The following RAB22A variants were observed in gnomAD, a reference collection of about 807,000 sequenced individuals.
RAB22A encodes RAB22A, member RAS oncogene family.
Under a neutral mutation model 30.2 loss-of-function variants are expected in RAB22A, and 13 were observed. The ratio of observed to expected loss-of-function variants is 0.43; its 90% CI spans 0.28 to 0.68. RAB22A has a LOEUF of 0.68. RAB22A is among the 30% of genes least tolerant of loss of function. The pLI is 0.18. For synonymous variants in RAB22A, 89 were observed against 87.2 expected, an observed-to-expected ratio of 1.02 and a Z score of -0.11; for missense variants, 177 against 246.8, an observed-to-expected ratio of 0.72 and a Z score of 1.89.
intron 6 of RAB22A, 78 bp from the exon 7 acceptor site, chr20:58,359,528 T>G: frequency 1.2e-6 from 1 of 823,466 alleles, no homozygotes; most frequent in Non-Finnish European, 1.8e-6. Context: ...CAGTGAAACC[T>G]GTCAAATTGC....
intron 6 of RAB22A, among the ~76,000 whole-genome samples, chr20:58,358,418 C>T (rs1036999004): frequency 3.9e-5 from 6 of 152,250 alleles, no homozygotes; most frequent in Admixed American, 1.3e-4. Context: ...AGTAGAATAC[C>T]GTGACCTAGC....
rs564800741 is a variant in RAB22A at position 58,345,091 on chromosome 20, T to C, written c.198+1292T>C. On this transcript the variant is annotated intron_variant, in intron 3 of 6. Transcript: ENST00000244040. Reference sequence around the variant, plus strand: ...GTAGACACAGCCCTGGGTTCTGTCCTGTTAGCCACGAATCCGTGTGGCCCT... The same window carrying C: ...GTAGACACAGCCCTGGGTTCTGTCCCGTTAGCCACGAATCCGTGTGGCCCT... Among the ~76,000 whole-genome samples the C allele has an allele frequency of 8.5e-5, 13 of 152,286 alleles. No individual in the cohort carries two copies. In the South Asian group the frequency reaches 2.7e-3, roughly 32 times the overall value.
At chr20:58,313,045 G>GT (rs1436967167) in intron 2 of RAB22A, among the ~76,000 whole-genome samples, 4 of 152,132 alleles carry the variant, frequency 2.6e-5, no homozygotes, top group African/African-American at 7.2e-5. Context: ...CTGAGTCAGA[G>GT]CTGAAAACCT....
chr20:58,330,143 T>C (rs1986638194), intron 2 of RAB22A, among the ~76,000 whole-genome samples: 1 of 152,232 alleles, frequency 6.6e-6, no homozygotes. Context: ...TATATCATTT[T>C]ATACAACAGT....
chr20:58,324,252 G>T (rs1986514570), intron 2 of RAB22A, among the ~76,000 whole-genome samples: 1 of 151,766 alleles, frequency 6.6e-6, no homozygotes, highest in African/African-American at 2.4e-5. Flanking sequence ...CAGTTGTAAG[G>T]TTGTTGATAC....
chr20:58,312,472 CTTTTTTTTTTTTTTTTTTT>C (rs58198236), intron 2 of RAB22A, among the ~76,000 whole-genome samples: 26 of 38,708 alleles, frequency 6.7e-4, no homozygotes, highest in South Asian at 2.9e-3. Context: ...GGCTGGTTTT[CTTTTTTTTTTTTTTTTTTT>C]TTTTTTTTTT....
At position 58,362,521 on chromosome 20, in the gene RAB22A, T is replaced by A. The variant is rs1377946939; in HGVS notation, c.*2818T>A. The A allele has an allele frequency of 6.6e-6, 1 of 152,266 alleles. No homozygotes were observed. The highest frequency in any genetic ancestry group is 2.4e-5 in the African/African-American group (1 of 41,476). 9.4% of individuals were successfully genotyped at this position (152,266 alleles called of 1,614,324 possible). A position where few individuals can be genotyped will look rare whatever the true frequency, so the allele number is the denominator to read the frequency against. ...AAGAGAAAAATTATTAATTAGCTGC[T>A]ACTGTATGTTGATTCTTTTCGGAGA... On this transcript the variant is annotated 3_prime_UTR_variant, in exon 7 of 7. Coordinates refer to ENST00000244040, the MANE Select transcript of RAB22A (RefSeq NM_020673.3).
chr20:58,320,607 A>G (rs958369724), intron 2 of RAB22A, among the ~76,000 whole-genome samples: 1 of 152,176 alleles, frequency 6.6e-6, no homozygotes, highest in Non-Finnish European at 1.5e-5. Context: ...GGTGAATTTC[A>G]TGGATTTTGA....
At chr20:58,330,587 CAG>C (rs1986646071) in intron 2 of RAB22A, among the ~76,000 whole-genome samples, 1 of 152,126 alleles carries the variant, frequency 6.6e-6, no homozygotes, top group Admixed American at 6.5e-5. Flanking sequence ...TTTGTTTTAA[CAG>C]AATGTTAAAT....
Position 58,343,807 on chromosome 20 carries a change from A to G in RAB22A, c.198+8A>G, listed in dbSNP as rs1209671384. 6.3e-7 allele frequency: 1 copy of G among 1,588,268 alleles called. No homozygotes were observed. The highest frequency in any genetic ancestry group is 8.6e-7 in the Non-Finnish European group (1 of 1,156,778). On this transcript the variant is annotated splice_region_variant and intron_variant, in intron 3 of 6. Transcript: ENST00000244040. ...ACAGCTGGACAAGAACGAGTAAGTCACTCTTTAATTTACTCTGTTTTTCTG... is the reference window on the plus strand; with the variant it reads ...ACAGCTGGACAAGAACGAGTAAGTCGCTCTTTAATTTACTCTGTTTTTCTG...
At chr20:58,325,532 T>A (rs1302157788) in intron 2 of RAB22A, among the ~76,000 whole-genome samples, 4 of 152,234 alleles carry the variant, frequency 2.6e-5, no homozygotes, top group African/African-American at 7.2e-5. Flanking sequence ...AAGTTTTTTT[T>A]ATAGATCATT....
At chr20:58,340,061 T>C (rs938892348) in intron 2 of RAB22A, among the ~76,000 whole-genome samples, 1 of 152,074 alleles carries the variant, frequency 6.6e-6, no homozygotes, top group Non-Finnish European at 1.5e-5. Flanking sequence ...GATTTTAACC[T>C]CTCAGAAATC....
chr20:58,352,097 T>G (rs144869040), intron 3 of RAB22A, among the ~76,000 whole-genome samples: 129 of 152,322 alleles, frequency 8.5e-4, no homozygotes, highest in African/African-American at 3.1e-3. Context: ...AGGAACTTTG[T>G]GTTGATAGAA....
At chr20:58,339,004 T>C (rs1568869887) in intron 2 of RAB22A, among the ~76,000 whole-genome samples, 1 of 152,160 alleles carries the variant, frequency 6.6e-6, no homozygotes, top group South Asian at 2.1e-4. Flanking sequence ...GGGTTTGCAG[T>C]AAAGAGAGGT....
intron 2 of RAB22A, among the ~76,000 whole-genome samples, chr20:58,315,089 CCGG>C (rs1367564316): frequency 6.6e-6 from 1 of 152,052 alleles, no homozygotes; most frequent in Non-Finnish European, 1.5e-5. Context: ...GCCCTGGAGT[CCGG>C]AGGAGGAGCC....
intron 2 of RAB22A, among the ~76,000 whole-genome samples, chr20:58,332,128 C>A (rs1986672570): frequency 6.6e-6 from 1 of 152,204 alleles, no homozygotes; most frequent in African/African-American, 2.4e-5. Context: ...TAAAAAGTCA[C>A]AAGAGACCAT....
rs1987220258 is a variant in RAB22A, at chr20:58,361,246, T to C, written c.*1543T>C. On this transcript the variant is annotated 3_prime_UTR_variant, in exon 7 of 7. Coordinates refer to ENST00000244040, the MANE Select transcript of RAB22A (RefSeq NM_020673.3). Reference sequence around the variant, plus strand: ...ACAGCTTGAATTTCAAACTAAATTGTATTTTCAGAGCTATCCTGAAACTGA... The same window carrying C: ...ACAGCTTGAATTTCAAACTAAATTGCATTTTCAGAGCTATCCTGAAACTGA... 2 of 152,694 alleles carry C rather than the reference T, an allele frequency of 1.3e-5. No individual in the cohort carries two copies. The highest frequency in any genetic ancestry group is 4.1e-4 in the South Asian group (2 of 4,838). 9.5% of individuals were successfully genotyped at this position (152,694 alleles called of 1,614,324 possible). A position where few individuals can be genotyped will look rare whatever the true frequency, so the allele number is the denominator to read the frequency against.
chr20:58,334,784 T>C (rs1287870880), intron 2 of RAB22A, among the ~76,000 whole-genome samples: 1 of 151,962 alleles, frequency 6.6e-6, no homozygotes. Flanking sequence ...TAGTCCAGTG[T>C]TGAATCAAAA....
At chr20:58,343,999 T>C (rs760575938) in intron 3 of RAB22A, among the ~76,000 whole-genome samples, 200 bp downstream of exon 3, 1 of 152,204 alleles carries the variant, frequency 6.6e-6, no homozygotes, top group Non-Finnish European at 1.5e-5. Flanking sequence ...AAAGTGATAA[T>C]GGGCACTGAG....
Sources: gnomAD v4.1 joint callset for allele counts (sites outside exome capture counted in the v4.1 genomes callset) on GRCh38, gnomAD v4.1.1 for gene constraint, MANE v1.5 for transcripts, NCBI Gene and HGNC (gene_info 2026-07-23, HGNC 2026-07-21) for gene names.